Variants in RNF125 observed in about 807,000 individuals in gnomAD.
RNF125 encodes the protein ring finger protein 125.
In RNF125, 21 loss-of-function variants were observed where a neutral mutation model predicts 26.0. The ratio of observed to expected loss-of-function variants is 0.81; its 90% CI spans 0.57 to 1.16. RNF125 has a LOEUF of 1.16. Ranked by LOEUF, RNF125 falls within the 50% of genes most tolerant of loss-of-function variation. The pLI is 0.00. For synonymous variants in RNF125, 95 were observed against 109.2 expected (o/e 0.87, Z 0.81); for missense variants, 270 against 299.4 (o/e 0.90, Z 0.72).
intron 2 of RNF125, among the ~76,000 whole-genome samples, chr18:32,040,873 G>A (rs900381395): frequency 2.0e-5 from 3 of 152,172 alleles, no homozygotes; most frequent in Non-Finnish European, 1.5e-5. Flanking sequence ...GTTACAGGTC[G>A]TAAAATACAT....
In RNF125 at chr18:32,065,996, A is replaced by T. The variant is rs774898102; in HGVS notation, c.599A>T (p.Tyr200Phe). 5 of 1,590,656 alleles carry T rather than the reference A, an allele frequency of 3.1e-6. No individual in the cohort carries two copies. The African/African-American group carries it at 5.4e-5, about 17-fold the overall frequency. The change falls in exon 5 of 6, where the codon TAT becomes TTT. Residue 200 changes from tyrosine to phenylalanine, a missense_variant. Tyr to Phe is a conservative substitution (Grantham distance 22). Coordinates refer to ENST00000217740, the MANE Select transcript of RNF125 (RefSeq NM_017831.4). ...CTGCAAGTTAGTCACACTTTGTTTT[A>T]TGATGATTTCATAGTAAGTATATTT... Reference protein sequence around the residue: ...RHLQVSHTLFYDDFIDFNIIE... With the variant: ...RHLQVSHTLFFDDFIDFNIIE...
intron 1 of RNF125, among the ~76,000 whole-genome samples, chr18:32,031,962 C>T (rs187322419): frequency 1.6e-4 from 24 of 152,106 alleles, no homozygotes; most frequent in Middle Eastern, 3.4e-3. Flanking sequence ...TGCAGTGGCG[C>T]GATCTCAGCT....
chr18:32,089,170 G>C, the RNF125 span, among the ~76,000 whole-genome samples: 3 of 152,200 alleles, frequency 2.0e-5, no homozygotes, highest in Admixed American at 6.5e-5. Flanking sequence ...AGACAGGTCC[G>C]AGCAATCTTC....
chr18:32,059,560 C>A lies in RNF125; in HGVS notation c.505-6342C>A, dbSNP rs190782712. On this transcript the variant is annotated intron_variant, in intron 4 of 5. Coordinates refer to ENST00000217740, the MANE Select transcript of RNF125 (RefSeq NM_017831.4). ...TGAGGAGTTTGCAAATATTTTCTCC[C>A]ATTCTGTGGGTTGTCTCTTCACTTT... is the stretch of plus-strand genomic sequence containing the variant. Among the ~76,000 whole-genome samples the A allele has an allele frequency of 2.0e-5, 3 of 152,208 alleles. No individual in the cohort carries two copies. The East Asian group carries it at 5.8e-4, about 29-fold the overall frequency.
intron 3 of RNF125, 86 bp from the exon 4 acceptor site, chr18:32,045,556 T>A (rs1474649785): frequency 3.7e-6 from 3 of 815,822 alleles, no homozygotes; most frequent in Non-Finnish European, 5.8e-6. Flanking sequence ...GCAAGACTCT[T>A]GTCTCAAAAA....
intron 1 of RNF125, among the ~76,000 whole-genome samples, chr18:32,019,343 G>A (rs1370877192): frequency 6.6e-6 from 1 of 152,108 alleles, no homozygotes; most frequent in African/African-American, 2.4e-5. Flanking sequence ...CTCGCCAACT[G>A]GGGAGGGTGC....
chr18:32,063,437 A>G (rs1196387779), intron 4 of RNF125, among the ~76,000 whole-genome samples: 1 of 152,176 alleles, frequency 6.6e-6, no homozygotes, highest in East Asian at 1.9e-4. Context: ...GTTGGGGAAA[A>G]TAAAGAAAAA....
chr18:32,085,700 CAA>C, the RNF125 span, among the ~76,000 whole-genome samples: 121 of 62,734 alleles, frequency 1.9e-3, 1 homozygote, highest in African/African-American at 5.8e-3. Flanking sequence ...AACGACTTAT[CAA>C]AAAAAAAAAA....
chr18:32,041,620 C>CTTTT (rs60264747), intron 2 of RNF125, among the ~76,000 whole-genome samples: 6 of 93,278 alleles, frequency 6.4e-5, no homozygotes, highest in East Asian at 3.3e-4. Flanking sequence ...AATGTAGATG[C>CTTTT]TTTTTTTTTT....
rs529887849 is a variant in RNF125 at position 32,036,931 on chromosome 18, A to T, written c.165-185A>T. On this transcript the variant is annotated intron_variant, in intron 1 of 5. Coordinates refer to ENST00000217740, the MANE Select transcript of RNF125 (RefSeq NM_017831.4). ...CATGTGGTAAGAATGTGTGATTCTA[A>T]AGAAGTCTTGCTGGGAAGGTAAGCA... Among the ~76,000 whole-genome samples, 3 of 152,256 alleles carry T rather than the reference A, an allele frequency of 2.0e-5. No individual in the cohort carries two copies. The East Asian group carries it at 5.8e-4, about 29-fold the overall frequency.
rs1372816780 is a variant in RNF125, at chr18:32,071,361, T to G, written c.*2977T>G. 1 of 152,018 alleles carries G rather than the reference T, an allele frequency of 6.6e-6. No homozygotes were observed. Among genetic ancestry groups the G allele is most frequent in the African/African-American group, 2.4e-5 (1 of 41,376 alleles). 9.4% of individuals were successfully genotyped at this position (152,018 alleles called of 1,614,324 possible). ...GTTGGCCAGGCTGGTTTTGAACTCC[T>G]GACCTCAAGTGATCCACCTGTGTTG... On this transcript the variant is annotated 3_prime_UTR_variant, in exon 6 of 6. Transcript: ENST00000217740.
At chr18:32,065,373 C>T (rs1374056806) in intron 4 of RNF125, among the ~76,000 whole-genome samples, 1 of 151,928 alleles carries the variant, frequency 6.6e-6, no homozygotes, top group Non-Finnish European at 1.5e-5. Context: ...GAGTGGCTGG[C>T]ATTACAGGCA....
At position 32,037,250 on chromosome 18, in the gene RNF125, G is replaced by A. The variant is rs761255787; in HGVS notation, c.299G>A (p.Cys100Tyr). 6.3e-7 allele frequency: 1 copy of A among 1,585,952 alleles called. No individual in the cohort carries two copies. The highest frequency in any genetic ancestry group is 1.2e-5 in the South Asian group (1 of 86,554). The change falls in exon 2 of 6, where the codon TGC (cysteine) becomes TAC (tyrosine). Residue 100 changes from cysteine (C) to tyrosine (Y), a missense_variant. Transcript: ENST00000217740. Reference sequence around the variant, plus strand: ...AGAATGAAATCAGAGTATAAGAACTGCGCTGAGTGTGACACCCTGGTATGT... The same window carrying A: ...AGAATGAAATCAGAGTATAAGAACTACGCTGAGTGTGACACCCTGGTATGT... ...AKRMKSEYKN[C>Y]AECDTLVCLS...
intron 2 of RNF125, among the ~76,000 whole-genome samples, chr18:32,038,307 C>T (rs1219385440): frequency 1.3e-5 from 2 of 152,108 alleles, no homozygotes; most frequent in African/African-American, 4.8e-5. Context: ...ACCTTGGCCT[C>T]CAAAGTGCTG....
chr18:32,065,690 G>A (rs148113234), intron 4 of RNF125, among the ~76,000 whole-genome samples: 5 of 152,160 alleles, frequency 3.3e-5, no homozygotes, highest in East Asian at 1.9e-4. Context: ...GTACCACCAC[G>A]CCCAGCTAAT....
chr18:32,065,614 A>G (rs1435920958), intron 4 of RNF125, among the ~76,000 whole-genome samples: 2 of 150,006 alleles, frequency 1.3e-5, no homozygotes, highest in Non-Finnish European at 3.0e-5. Flanking sequence ...GCTCACTGCA[A>G]CCTCTGCCTC....
chr18:32,050,506 A>T (rs904686413), intron 4 of RNF125, among the ~76,000 whole-genome samples: 4 of 151,630 alleles, frequency 2.6e-5, no homozygotes, highest in Admixed American at 2.6e-4. Context: ...TTATTTTTTT[A>T]TTTTTTATTT....
chr18:32,026,660 G>A (rs7226543), intron 1 of RNF125, among the ~76,000 whole-genome samples: 2 of 151,876 alleles, frequency 1.3e-5, no homozygotes, highest in African/African-American at 2.4e-5. Context: ...TCACCTGTTT[G>A]GTTCCCAGCT....
the RNF125 span, among the ~76,000 whole-genome samples, chr18:32,088,807 G>C: frequency 6.6e-6 from 1 of 152,076 alleles, no homozygotes; most frequent in South Asian, 2.1e-4. Context: ...GTCTTGACTG[G>C]AGAGTTTTAG....
Sources: allele counts gnomAD v4.1 joint callset (sites outside exome capture counted in the v4.1 genomes callset), GRCh38; gene constraint gnomAD v4.1.1; transcripts MANE v1.5; gene names NCBI Gene and HGNC (gene_info 2026-07-23, HGNC 2026-07-21).